Variants in MYT1L observed in about 807,000 individuals in gnomAD.
The protein encoded by MYT1L is myelin transcription factor 1-like protein.
In MYT1L, 12 loss-of-function variants were observed where a neutral mutation model predicts 126.7. The ratio of observed to expected loss-of-function variants is 0.09; its 90% CI spans 0.06 to 0.15. The LOEUF (loss-of-function observed/expected upper bound fraction) is 0.15. Ranked by LOEUF, MYT1L falls within the 10% of genes least tolerant of loss-of-function variation. The pLI is 1.00. For missense variants in MYT1L, 979 were observed against 1,585.2 expected (o/e 0.62, Z 6.49); for synonymous variants, 541 against 604.2 (o/e 0.90, Z 1.53).
intron 3 of MYT1L, among the ~76,000 whole-genome samples, chr2:2,103,065 A>T (rs1371842935): frequency 1.3e-5 from 2 of 152,084 alleles, no homozygotes; most frequent in African/African-American, 4.8e-5. Flanking sequence ...GTTGCCATGG[A>T]CACCATCCTC....
At chr2:2,121,500 T>G (rs999045394) in intron 3 of MYT1L, among the ~76,000 whole-genome samples, 1 of 150,072 alleles carries the variant, frequency 6.7e-6, no homozygotes, top group South Asian at 2.1e-4. Context: ...TTTTGTTTTT[T>G]GAGATGGAGT....
rs1160199372 is a variant in MYT1L at position 2,236,808 on chromosome 2, C to T, written c.-421+47596G>A. The stretch of plus-strand genomic sequence containing the variant: ...TCTTCTTCTTCTTCTTCTTCTTCTT[C>T]TTCTTCTTTTTTTTTTTTTTTTTTG... On this transcript the variant is annotated intron_variant, in intron 2 of 24. Coordinates refer to ENST00000647738, the MANE Select transcript of MYT1L (RefSeq NM_001303052.2). 4.0e-3 allele frequency among the ~76,000 whole-genome samples: 26 copies of T among 6,550 alleles called. 1 individual carries two copies. Among genetic ancestry groups the T allele is most frequent in the South Asian group, 7.0e-3 (1 of 142 alleles). 4.3% of individuals were successfully genotyped at this position (6,550 alleles called of 152,430 possible).
At chr2:2,106,201 A>G (rs1018894774) in intron 3 of MYT1L, among the ~76,000 whole-genome samples, 1 of 152,228 alleles carries the variant, frequency 6.6e-6, no homozygotes, top group Admixed American at 6.5e-5. Context: ...AACTTTTATA[A>G]AAATAAAGAT....
intron 3 of MYT1L, among the ~76,000 whole-genome samples, chr2:2,150,286 G>A (rs1476228030): frequency 1.3e-5 from 2 of 152,100 alleles, no homozygotes; most frequent in Non-Finnish European, 1.5e-5. Flanking sequence ...GATAAAAAAA[G>A]CACTAAAATA....
chr2:2,211,439 T>C (rs1326449916), intron 2 of MYT1L, among the ~76,000 whole-genome samples: 1 of 152,162 alleles, frequency 6.6e-6, no homozygotes, highest in Non-Finnish European at 1.5e-5. Flanking sequence ...AGTACTCCTT[T>C]AGCCACTGTC....
intron 3 of MYT1L, among the ~76,000 whole-genome samples, chr2:2,107,489 T>C (rs2078890093): frequency 6.6e-6 from 1 of 152,238 alleles, no homozygotes; most frequent in South Asian, 2.1e-4. Flanking sequence ...TTTGCGGGAC[T>C]CTGGTAAAGA....
At chr2:2,213,808 T>C (rs2093601927) in intron 2 of MYT1L, among the ~76,000 whole-genome samples, 1 of 152,146 alleles carries the variant, frequency 6.6e-6, no homozygotes, top group African/African-American at 2.4e-5. Flanking sequence ...TTACAATGTC[T>C]GGGATTACAT....
intron 3 of MYT1L, among the ~76,000 whole-genome samples, chr2:2,107,365 T>C (rs957056745): frequency 6.6e-6 from 1 of 152,206 alleles, no homozygotes; most frequent in Non-Finnish European, 1.5e-5. Flanking sequence ...CAGCTGTTCA[T>C]GTGCATATTG....
chr2:2,144,797 C>T (rs2084626178), intron 3 of MYT1L, among the ~76,000 whole-genome samples: 1 of 152,180 alleles, frequency 6.6e-6, no homozygotes, highest in East Asian at 1.9e-4. Context: ...ACAGGCTAGC[C>T]AGCATCTTTC....
At chr2:2,105,241 A>G (rs2078607159) in intron 3 of MYT1L, among the ~76,000 whole-genome samples, 1 of 151,974 alleles carries the variant, frequency 6.6e-6, no homozygotes, top group South Asian at 2.1e-4. Flanking sequence ...CAGCGTGGAC[A>G]CCCCCTCTCT....
rs560482608 is a variant in MYT1L at position 2,025,307 on chromosome 2, T to G, written c.-157-27960A>C. 2.6e-5 allele frequency among the ~76,000 whole-genome samples: 4 copies of G among 152,308 alleles called. No individual in the cohort carries two copies. In the South Asian group the frequency reaches 8.3e-4, roughly 32 times the overall value. ...CCGGAGTGAGTCCCTGAACAAACAG[T>G]TACACATAGCCTCCTGGTCTGGGGA... is the stretch of plus-strand genomic sequence containing the variant. On this transcript the variant is annotated intron_variant, in intron 4 of 24. Transcript: ENST00000647738.
At chr2:1,911,998 C>A in intron 12 of MYT1L, 22 bp downstream of exon 12, 1 of 1,562,072 alleles carries the variant, frequency 6.4e-7, no homozygotes, top group Non-Finnish European at 8.7e-7. Flanking sequence ...CCTCCCACAC[C>A]AGTGACCCAC....
At chr2:2,181,824 C>T (rs370158714) in intron 2 of MYT1L, among the ~76,000 whole-genome samples, 28 of 152,164 alleles carry the variant, frequency 1.8e-4, no homozygotes, top group Admixed American at 3.9e-4. Context: ...GGACTTTCCA[C>T]GTTCCAGCAC....
chr2:2,161,385 T>C (rs368325618), intron 3 of MYT1L, among the ~76,000 whole-genome samples: 11 of 152,372 alleles, frequency 7.2e-5, no homozygotes, highest in African/African-American at 2.6e-4. Context: ...CTAAATTATT[T>C]CTAGCTAAAA....
intron 3 of MYT1L, among the ~76,000 whole-genome samples, chr2:2,076,093 C>A (rs2075193767): frequency 6.6e-6 from 1 of 152,158 alleles, no homozygotes; most frequent in Non-Finnish European, 1.5e-5. Flanking sequence ...AAACTGCTGG[C>A]AGCATCCCAG....
intron 2 of MYT1L, among the ~76,000 whole-genome samples, chr2:2,255,430 G>A (rs1223550742): frequency 3.3e-5 from 5 of 152,112 alleles, no homozygotes; most frequent in South Asian, 4.2e-4. Flanking sequence ...AAAGGGTAAC[G>A]GTTGCCCTCA....
intron 18 of MYT1L, among the ~76,000 whole-genome samples, chr2:1,863,561 C>T (rs548329875): frequency 5.9e-5 from 9 of 152,226 alleles, no homozygotes; most frequent in Non-Finnish European, 1.0e-4. Flanking sequence ...CGCGCCAGCC[C>T]GACCCCCGGA....
At chr2:2,318,066 C>G (rs2096097036) in intron 1 of MYT1L, among the ~76,000 whole-genome samples, 1 of 152,130 alleles carries the variant, frequency 6.6e-6, no homozygotes, top group African/African-American at 2.4e-5. Flanking sequence ...GCTGACTGCC[C>G]AATCAGCAAG....
chr2:1,975,105 T>A (rs888109873), intron 8 of MYT1L, among the ~76,000 whole-genome samples: 1 of 152,170 alleles, frequency 6.6e-6, no homozygotes, highest in Non-Finnish European at 1.5e-5. Flanking sequence ...TCCCAGGTAT[T>A]AAGCACTGGT....
Sources: gnomAD v4.1 joint callset for allele counts (sites outside exome capture counted in the v4.1 genomes callset) on GRCh38, gnomAD v4.1.1 for gene constraint, MANE v1.5 for transcripts, NCBI Gene and HGNC (gene_info 2026-07-23, HGNC 2026-07-21) for gene names.